Variants in SPIRE1 observed in about 807,000 individuals in gnomAD.
SPIRE1 encodes protein spire homolog 1.
In SPIRE1, 40 loss-of-function variants were observed where a neutral mutation model predicts 94.1. That is an observed-to-expected ratio of 0.43 (90% CI 0.33 to 0.55). The LOEUF (loss-of-function observed/expected upper bound fraction) is 0.55, where lower values mean the gene tolerates loss of function less well. Ranked by LOEUF, SPIRE1 falls within the 20% of genes least tolerant of loss-of-function variation. SPIRE1 has a pLI of 0.06. For missense variants in SPIRE1, 838 were observed against 975.2 expected (o/e 0.86, Z 1.87); for synonymous variants, 376 against 371.7 (o/e 1.01, Z -0.13).
At chr18:12,531,242 T>C (rs1380503609) in intron 4 of SPIRE1, among the ~76,000 whole-genome samples, 2 of 151,990 alleles carry the variant, frequency 1.3e-5, no homozygotes, top group Non-Finnish European at 2.9e-5. Flanking sequence ...TACCCCCCCA[T>C]CCCATTTATG....
At chr18:12,521,048 A>T (rs1005352613) in intron 4 of SPIRE1, among the ~76,000 whole-genome samples, 1 of 152,196 alleles carries the variant, frequency 6.6e-6, no homozygotes, top group Non-Finnish European at 1.5e-5. Flanking sequence ...TTTTTCAACC[A>T]ATTTACAGAC....
intron 5 of SPIRE1, among the ~76,000 whole-genome samples, chr18:12,508,761 G>A (rs1231564687): frequency 6.7e-6 from 1 of 149,252 alleles, no homozygotes; most frequent in African/African-American, 2.5e-5. Flanking sequence ...TGCAATTTCT[G>A]CCTCCCGGGT....
At chr18:12,607,790 C>T (rs924782306) in intron 2 of SPIRE1, among the ~76,000 whole-genome samples, 5 of 152,074 alleles carry the variant, frequency 3.3e-5, no homozygotes, top group African/African-American at 7.2e-5. Flanking sequence ...ATTTGTAACA[C>T]AAAGAAATGT....
chr18:12,511,338 C>T (rs757863512), intron 5 of SPIRE1, among the ~76,000 whole-genome samples: 49 of 152,126 alleles, frequency 3.2e-4, no homozygotes, highest in Non-Finnish European at 4.9e-4. Context: ...AGATCAGCAG[C>T]GGCATTAGAT....
chr18:12,561,767 T>TATA (rs2035693696), intron 2 of SPIRE1, among the ~76,000 whole-genome samples: 1 of 152,216 alleles, frequency 6.6e-6, no homozygotes, highest in African/African-American at 2.4e-5. Flanking sequence ...GTCAGAATCC[T>TATA]ATAATCAACA....
intron 4 of SPIRE1, among the ~76,000 whole-genome samples, chr18:12,517,440 TAGC>T (rs2034230173): frequency 1.3e-5 from 2 of 152,238 alleles, no homozygotes; most frequent in South Asian, 2.1e-4. Context: ...TTTTTCTAGT[TAGC>T]AGTAAAAACA....
At chr18:12,627,066 T>C (rs896578286) in intron 2 of SPIRE1, among the ~76,000 whole-genome samples, 1 of 151,962 alleles carries the variant, frequency 6.6e-6, no homozygotes, top group Non-Finnish European at 1.5e-5. Flanking sequence ...AACACTCTTC[T>C]AATTGTAAAA....
At chr18:12,541,999 T>TG (rs2035028677) in intron 3 of SPIRE1, among the ~76,000 whole-genome samples, 1 of 151,784 alleles carries the variant, frequency 6.6e-6, no homozygotes, top group Admixed American at 6.6e-5. Context: ...TCTTTTGAGA[T>TG]GGAGTCTCGC....
intron 6 of SPIRE1, among the ~76,000 whole-genome samples, chr18:12,496,952 C>T (rs1345105624): frequency 6.6e-6 from 1 of 151,990 alleles, no homozygotes; most frequent in Non-Finnish European, 1.5e-5. Flanking sequence ...CCTGTAATTC[C>T]AGCTACTTGG....
chr18:12,626,590 T>C (rs556268252), intron 2 of SPIRE1, among the ~76,000 whole-genome samples: 3 of 152,096 alleles, frequency 2.0e-5, no homozygotes, highest in Admixed American at 1.3e-4. Context: ...TACAAAGGCA[T>C]CTCATTATTC....
At chr18:12,463,150 C>T (rs558697999) in intron 12 of SPIRE1, among the ~76,000 whole-genome samples, 1 of 152,356 alleles carries the variant, frequency 6.6e-6, no homozygotes, top group East Asian at 1.9e-4. Context: ...AATCCTCCCA[C>T]CTTGGCCTCC....
At chr18:12,621,272 G>A (rs1447185225) in intron 2 of SPIRE1, among the ~76,000 whole-genome samples, 1 of 152,174 alleles carries the variant, frequency 6.6e-6, no homozygotes, top group African/African-American at 2.4e-5. Context: ...CTTATACACT[G>A]AGATGTCAAA....
chr18:12,606,272 T>C (rs1323908231), intron 2 of SPIRE1, among the ~76,000 whole-genome samples: 1 of 152,138 alleles, frequency 6.6e-6, no homozygotes, highest in African/African-American at 2.4e-5. Context: ...GTCACTTTTG[T>C]TTATTGACAT....
chr18:12,525,850 A>G (rs1219879388), intron 4 of SPIRE1, among the ~76,000 whole-genome samples: 1 of 152,110 alleles, frequency 6.6e-6, no homozygotes, highest in African/African-American at 2.4e-5. Flanking sequence ...CATTCCTAGC[A>G]TCGTAAAGAT....
chr18:12,463,728 C>T (rs927779261), intron 11 of SPIRE1, among the ~76,000 whole-genome samples: 4 of 152,098 alleles, frequency 2.6e-5, no homozygotes, highest in Non-Finnish European at 5.9e-5. Flanking sequence ...TTAGGTGTAG[C>T]CAGAAAGATT....
intron 12 of SPIRE1, 41 bp from the exon 13 acceptor site, chr18:12,454,524 C>A (rs774628723): frequency 6.2e-7 from 1 of 1,606,814 alleles, no homozygotes; most frequent in South Asian, 1.1e-5. Context: ...ATTCCTACCC[C>A]CTGTTCTGGA....
chr18:12,603,043 C>T (rs745535255), intron 2 of SPIRE1, among the ~76,000 whole-genome samples: 6 of 152,134 alleles, frequency 3.9e-5, no homozygotes, highest in Non-Finnish European at 7.3e-5. Context: ...ATACACATAA[C>T]CTACAAAACA....
At chr18:12,598,969 T>C (rs2036756973) in intron 2 of SPIRE1, among the ~76,000 whole-genome samples, 1 of 152,216 alleles carries the variant, frequency 6.6e-6, no homozygotes, top group South Asian at 2.1e-4. Context: ...GGAATTCCTG[T>C]ATATCCTTTG....
At chr18:12,472,681 G>C (rs567886619) in intron 10 of SPIRE1, among the ~76,000 whole-genome samples, 3 of 149,840 alleles carry the variant, frequency 2.0e-5, no homozygotes, top group South Asian at 4.2e-4. Context: ...TTTTTTGCGG[G>C]GGGGGACTTG....
Sources: allele counts gnomAD v4.1 joint callset (sites outside exome capture counted in the v4.1 genomes callset), GRCh38; gene constraint gnomAD v4.1.1; transcripts MANE v1.5; gene names NCBI Gene and HGNC (gene_info 2026-07-23, HGNC 2026-07-21).